Variants in SMOC1 observed in about 807,000 individuals in gnomAD.
The protein encoded by SMOC1 is SPARC-related modular calcium-binding protein 1.
Under a neutral mutation model 56.3 loss-of-function variants are expected in SMOC1, and 22 were observed. The observed-to-expected ratio is 0.39, with a 90% CI of 0.28 to 0.56. SMOC1 has a LOEUF of 0.56. SMOC1 is among the 20% of genes least tolerant of loss of function. SMOC1 has a pLI of 0.61. For missense variants in SMOC1, 509 were observed against 565.4 expected, an observed-to-expected ratio of 0.90 and a Z score of 1.01; for synonymous variants, 193 against 215.0, an observed-to-expected ratio of 0.90 and a Z score of 0.89.
At chr14:69,973,544 C>T (rs1440785239) in intron 3 of SMOC1, among the ~76,000 whole-genome samples, 1 of 152,106 alleles carries the variant, frequency 6.6e-6, no homozygotes, top group African/African-American at 2.4e-5. Context: ...CAACCATGGC[C>T]ATGAGATGAA....
intron 1 of SMOC1, among the ~76,000 whole-genome samples, chr14:69,947,364 C>T (rs1328986855): frequency 6.6e-6 from 1 of 151,952 alleles, no homozygotes; most frequent in East Asian, 1.9e-4. Flanking sequence ...GAGACAGTGT[C>T]TCTCTCTGTT....
chr14:69,900,324 C>T (rs971075236), intron 1 of SMOC1, among the ~76,000 whole-genome samples: 7 of 152,128 alleles, frequency 4.6e-5, no homozygotes, highest in African/African-American at 9.7e-5. Context: ...CCCGGCACAG[C>T]GCTAGTGTTT....
At chr14:69,923,802 A>G (rs550301868) in intron 1 of SMOC1, among the ~76,000 whole-genome samples, 1 of 152,270 alleles carries the variant, frequency 6.6e-6, no homozygotes, top group Admixed American at 6.5e-5. Context: ...CACGCCCTCA[A>G]TCAATCCTAC....
At position 69,952,150 on chromosome 14, in the gene SMOC1, G is replaced by C. The variant is rs1160723176; in HGVS notation, c.112G>C (p.Asp38His). The change falls in exon 2 of 12, where the codon GAC becomes CAC. Residue 38 changes from aspartate to histidine, a missense_variant. This residue lies in a region of SMOC1 where 315 missense variants were observed against 333.1 expected (regional missense o/e 0.95). Coordinates refer to ENST00000361956, the MANE Select transcript of SMOC1 (RefSeq NM_001034852.3). ...RTTGPRFLIS[D>H]RDPQCNLHCS... ...TTTTCCAACCTAGTTTCTAATAAGT[G>C]ACCGTGACCCACAGTGCAACCTCCA... is the stretch of plus-strand genomic sequence containing the variant. The C allele has an allele frequency of 1.9e-6, 3 of 1,613,952 alleles. No individual in the cohort carries two copies. The African/African-American group carries it at 4.0e-5, about 22-fold the overall frequency.
intron 5 of SMOC1, among the ~76,000 whole-genome samples, chr14:69,982,692 C>G (rs958836780): frequency 6.6e-6 from 1 of 152,240 alleles, no homozygotes; most frequent in Non-Finnish European, 1.5e-5. Flanking sequence ...ACTTAAATCT[C>G]TTCCCGACTA....
At chr14:69,882,059 G>A (rs1883655968) in intron 1 of SMOC1, among the ~76,000 whole-genome samples, 1 of 152,190 alleles carries the variant, frequency 6.6e-6, no homozygotes, top group Non-Finnish European at 1.5e-5. Flanking sequence ...GATACATCAG[G>A]GGAGTCTGCA....
chr14:70,003,482 G>A (rs1885043959), intron 7 of SMOC1, among the ~76,000 whole-genome samples: 1 of 152,146 alleles, frequency 6.6e-6, no homozygotes, highest in South Asian at 2.1e-4. Context: ...TTCAACAGTG[G>A]GCAGCCCCAT....
At chr14:69,973,303 G>A (rs1883842964) in intron 3 of SMOC1, among the ~76,000 whole-genome samples, 1 of 152,198 alleles carries the variant, frequency 6.6e-6, no homozygotes, top group African/African-American at 2.4e-5. Flanking sequence ...TCCATATCCA[G>A]CCTTCGCTGG....
intron 10 of SMOC1, among the ~76,000 whole-genome samples, chr14:70,015,161 G>A (rs984253809): frequency 6.6e-6 from 1 of 151,720 alleles, no homozygotes; most frequent in African/African-American, 2.4e-5. Flanking sequence ...TATATTGGGG[G>A]CATTATGCTA....
chr14:69,977,854 T>C lies in SMOC1; in HGVS notation c.479-64T>C. On this transcript the variant is annotated intron_variant, in intron 4 of 11. Coordinates refer to ENST00000361956, the MANE Select transcript of SMOC1 (RefSeq NM_001034852.3). ...TCATAACATCAGGTTTTGCCAACTC[T>C]TAGAAAGAAACCAACCACAATGCAT... The C allele has an allele frequency of 1.0e-5, 15 of 1,429,488 alleles. No homozygotes were observed. In the South Asian group the frequency reaches 1.7e-4, roughly 16 times the overall value. 88.6% of individuals were successfully genotyped at this position (1,429,488 alleles called of 1,614,324 possible).
At chr14:70,017,403 C>T (rs1000997139) in intron 10 of SMOC1, among the ~76,000 whole-genome samples, 54 of 152,302 alleles carry the variant, frequency 3.5e-4, no homozygotes, top group African/African-American at 1.3e-3. Context: ...CTGACGAAGA[C>T]AATTAGGAAA....
intron 11 of SMOC1, among the ~76,000 whole-genome samples, chr14:70,025,029 AG>A (rs1272318332): frequency 3.3e-5 from 5 of 152,126 alleles, no homozygotes; most frequent in Non-Finnish European, 2.9e-5. Flanking sequence ...GGACAAAGGT[AG>A]GTTTGTTCAG....
intron 2 of SMOC1, among the ~76,000 whole-genome samples, chr14:69,952,554 C>T (rs1375568917): frequency 6.6e-6 from 1 of 152,234 alleles, no homozygotes; most frequent in Non-Finnish European, 1.5e-5. Context: ...CCAGCGCTTT[C>T]CTTTTTCTTT....
At chr14:69,996,549 A>T (rs1159889370) in intron 7 of SMOC1, among the ~76,000 whole-genome samples, 1 of 152,254 alleles carries the variant, frequency 6.6e-6, no homozygotes, top group Non-Finnish European at 1.5e-5. Context: ...TTCTGCTTTC[A>T]TTCCTACTCT....
intron 1 of SMOC1, among the ~76,000 whole-genome samples, chr14:69,937,230 G>A (rs1018465647): frequency 1.3e-5 from 2 of 152,156 alleles, no homozygotes; most frequent in African/African-American, 2.4e-5. Flanking sequence ...GATGGGATCT[G>A]CTAAGTGCAA....
At chr14:69,975,573 G>C in intron 3 of SMOC1, 142 bp from the exon 4 acceptor site, 1 of 724,266 alleles carries the variant, frequency 1.4e-6, no homozygotes, top group Non-Finnish European at 2.5e-6. Context: ...ACCCATGAGA[G>C]ACACTCTGGA....
intron 7 of SMOC1, among the ~76,000 whole-genome samples, chr14:70,002,349 T>C (rs1884999342): frequency 1.3e-5 from 2 of 152,244 alleles, no homozygotes; most frequent in African/African-American, 4.8e-5. Flanking sequence ...AAATTCTGTT[T>C]CTATTCTCCC....
At chr14:69,929,551 C>G (rs1885106204) in intron 1 of SMOC1, among the ~76,000 whole-genome samples, 3 of 152,108 alleles carry the variant, frequency 2.0e-5, no homozygotes, top group Admixed American at 1.3e-4. Context: ...CACAGAGATG[C>G]CTGAGAAACC....
At chr14:69,879,834 C>G (rs913051842) in intron 1 of SMOC1, 57 bp downstream of exon 1, 9 of 1,431,508 alleles carry the variant, frequency 6.3e-6, no homozygotes, top group East Asian at 2.7e-5. Flanking sequence ...TTGCTTCCCC[C>G]CTCATCCCTG....
Sources: gnomAD v4.1 joint callset for allele counts (sites outside exome capture counted in the v4.1 genomes callset) on GRCh38, gnomAD v4.1.1 for gene constraint, gnomAD v4.1.1 regional missense constraint, MANE v1.5 for transcripts, NCBI Gene and HGNC (gene_info 2026-07-23, HGNC 2026-07-21) for gene names.